CREBBP: variants seen among roughly 807,000 people sequenced by gnomAD.
CREBBP encodes the protein CREB-binding protein.
CREBBP carries 19 observed loss-of-function variants against 265.0 expected under a neutral mutation model. The observed-to-expected ratio is 0.07, with a 90% CI of 0.05 to 0.11. The LOEUF is 0.11. Among genes scored for constraint, CREBBP ranks in the 10% least tolerant of loss-of-function variants. The pLI is 1.00. For missense variants in CREBBP, 2,525 were observed against 3,219.0 expected (o/e 0.78, Z 5.22); for synonymous variants, 1,457 against 1,223.7 (o/e 1.19, Z -3.98).
At chr16:3,759,127 G>C (rs2052651722) in intron 16 of CREBBP, among the ~76,000 whole-genome samples, 155 bp from the exon 17 acceptor site, 1 of 152,180 alleles carries the variant, frequency 6.6e-6, no homozygotes. Context: ...AAGGACTAAA[G>C]CTTCTGAAAA....
intron 27 of CREBBP, 52 bp from the exon 28 acceptor site, chr16:3,736,255 C>T (rs2052055855): frequency 1.3e-5 from 20 of 1,579,198 alleles, no homozygotes; most frequent in Non-Finnish European, 1.7e-5. Flanking sequence ...GCGTGCCCCC[C>T]ACCATGGTGC....
chr16:3,801,608 G>A (rs755925614), intron 3 of CREBBP, among the ~76,000 whole-genome samples: 7 of 152,036 alleles, frequency 4.6e-5, no homozygotes, highest in Admixed American at 6.6e-5. Context: ...AAGTGGAGGC[G>A]TCAGTGAGCA....
At chr16:3,849,443 GTGTGT>G (rs1567360520) in intron 2 of CREBBP, among the ~76,000 whole-genome samples, 337 of 20,056 alleles carry the variant, frequency 0.017, 23 homozygotes, top group Non-Finnish European at 0.041. Flanking sequence ...GTGTGTGTGT[GTGTGT>G]GTGTGTGTGT....
intron 2 of CREBBP, among the ~76,000 whole-genome samples, chr16:3,819,012 C>G (rs1186689576): frequency 1.3e-5 from 2 of 152,246 alleles, no homozygotes; most frequent in Non-Finnish European, 2.9e-5. Context: ...AACTCTGTCT[C>G]CTTCAAGTTC....
In CREBBP at chr16:3,727,946, T is replaced by C. The variant is rs777115831; in HGVS notation, c.7101A>G (p.Ile2367Met). 9.3e-6 allele frequency: 15 copies of C among 1,607,856 alleles called. No individual in the cohort carries two copies. In the South Asian group the frequency reaches 1.5e-4, roughly 17 times the overall value. The change falls in exon 31 of 31, where the codon ATA (isoleucine) becomes ATG (methionine). Residue 2367 changes from isoleucine (I) to methionine (M), a missense_variant. Physicochemically the swap from Ile to Met is conservative, Grantham distance 10. Coordinates refer to ENST00000262367, the MANE Select transcript of CREBBP (RefSeq NM_004380.3). ...CGTGGTGTGGCGAAGGCTGGGGCTG[T>C]ATCCGTGGTGACGGGCTGGAATGTG... ...QPPHSSPSPR[I>M]QPQPSPHHVS...
intron 2 of CREBBP, among the ~76,000 whole-genome samples, chr16:3,820,565 A>G (rs1167026034): frequency 6.6e-6 from 1 of 152,182 alleles, no homozygotes; most frequent in Non-Finnish European, 1.5e-5. Context: ...AGCAACTCTC[A>G]CTGTATTTCA....
chr16:3,854,785 C>T (rs536311733), intron 1 of CREBBP, among the ~76,000 whole-genome samples: 4 of 152,218 alleles, frequency 2.6e-5, no homozygotes, highest in Non-Finnish European at 5.9e-5. Flanking sequence ...CCCTGCAGAA[C>T]AGACCAGTCC....
intron 3 of CREBBP, among the ~76,000 whole-genome samples, chr16:3,803,436 C>T (rs1567325940): frequency 6.6e-6 from 1 of 151,766 alleles, no homozygotes; most frequent in Non-Finnish European, 1.5e-5. Flanking sequence ...ACCTGGGAGG[C>T]AGAGGTGGCA....
chr16:3,867,522 C>T (rs1368986585), intron 1 of CREBBP, among the ~76,000 whole-genome samples: 1 of 151,962 alleles, frequency 6.6e-6, no homozygotes, highest in Non-Finnish European at 1.5e-5. Flanking sequence ...TCAATTATTC[C>T]TATTTATATA....
intron 20 of CREBBP, among the ~76,000 whole-genome samples, chr16:3,751,291 C>T (rs986797783): frequency 6.6e-6 from 1 of 152,022 alleles, no homozygotes; most frequent in African/African-American, 2.4e-5. Context: ...TAAATGTGAT[C>T]ATAGTTAATA....
chr16:3,752,823 C>A (rs1396383612), intron 19 of CREBBP, among the ~76,000 whole-genome samples: 1 of 152,166 alleles, frequency 6.6e-6, no homozygotes, highest in African/African-American at 2.4e-5. Context: ...TTATCCATCA[C>A]CCCAATTTCT....
chr16:3,815,789 T>C (rs966905635), intron 2 of CREBBP, among the ~76,000 whole-genome samples: 2 of 152,126 alleles, frequency 1.3e-5, no homozygotes, highest in Non-Finnish European at 2.9e-5. Context: ...ATTTATCCTT[T>C]GTGTTATAAA....
rs1323587902 is a variant in CREBBP, at chr16:3,747,411, G to C, written c.3837-2057C>G. 2.0e-5 allele frequency among the ~76,000 whole-genome samples: 3 copies of C among 152,174 alleles called. 1 individual carries two copies. Among genetic ancestry groups the C allele is most frequent in the Admixed American group, 1.3e-4 (2 of 15,276 alleles). On this transcript the variant is annotated intron_variant, in intron 21 of 30. Transcript: ENST00000262367. ...GCAACCTGTGTTCTTTCATGCCTTTGTTTCTAGAATGCTCTGCAGCTTCAA... is the reference window on the plus strand; with the variant it reads ...GCAACCTGTGTTCTTTCATGCCTTTCTTTCTAGAATGCTCTGCAGCTTCAA...
At chr16:3,815,722 G>A (rs1365547527) in intron 2 of CREBBP, among the ~76,000 whole-genome samples, 1 of 151,530 alleles carries the variant, frequency 6.6e-6, no homozygotes, top group East Asian at 1.9e-4. Context: ...TTTTTTTACA[G>A]GCATGCACTG....
intron 11 of CREBBP, among the ~76,000 whole-genome samples, chr16:3,777,151 C>A (rs1035069115): frequency 6.6e-6 from 1 of 151,828 alleles, no homozygotes; most frequent in Non-Finnish European, 1.5e-5. Context: ...CTGGCTAACA[C>A]GGTGAAACCC....
chr16:3,860,660 AT>A (rs753752725), intron 1 of CREBBP, among the ~76,000 whole-genome samples: 6 of 152,250 alleles, frequency 3.9e-5, no homozygotes, highest in Non-Finnish European at 8.8e-5. Flanking sequence ...TTATTTGTTA[AT>A]TAAAACAAAA....
chr16:3,782,601 G>C lies in CREBBP; in HGVS notation c.1573+83C>G, dbSNP rs999669813. 1.9e-6 allele frequency: 3 copies of C among 1,541,108 alleles called. No homozygotes were observed. The African/African-American group carries it at 4.2e-5, about 21-fold the overall frequency. On this transcript the variant is annotated intron_variant, in intron 6 of 30. Transcript: ENST00000262367. ...CGTAGTAAAAAACACAAAACAAACT[G>C]AAAACTGCCTTGGGTTCCATCACTC...
chr16:3,746,306 C>G (rs1176475780), intron 21 of CREBBP, among the ~76,000 whole-genome samples: 1 of 152,006 alleles, frequency 6.6e-6, no homozygotes, highest in African/African-American at 2.4e-5. Context: ...GGCTTCTCTG[C>G]CCAGTCTGCT....
chr16:3,734,295 C>T (rs971786456), intron 28 of CREBBP, among the ~76,000 whole-genome samples: 2 of 152,164 alleles, frequency 1.3e-5, no homozygotes, highest in African/African-American at 2.4e-5. Context: ...TGGGGTGTTG[C>T]TGACGAAGGC....
Sources: allele counts gnomAD v4.1 joint callset (sites outside exome capture counted in the v4.1 genomes callset), GRCh38; gene constraint gnomAD v4.1.1; transcripts MANE v1.5; gene names NCBI Gene and HGNC (gene_info 2026-07-23, HGNC 2026-07-21).